BTBD3: variants seen among roughly 807,000 people sequenced by gnomAD.
BTBD3 encodes BTB domain containing 3.
A neutral mutation model predicts 41.6 loss-of-function variants in BTBD3; 14 were observed. That is an observed-to-expected ratio of 0.34 (90% CI 0.22 to 0.53). The LOEUF is 0.53. Among genes scored for constraint, BTBD3 ranks in the 20% least tolerant of loss-of-function variants. The probability of loss-of-function intolerance (pLI) is 0.95; values close to 1 mark genes in which losing one functional copy is unlikely to be tolerated. For synonymous variants in BTBD3, 249 were observed against 233.7 expected (o/e 1.07, Z -0.60); for missense variants, 426 against 654.7 (o/e 0.65, Z 3.81).
intron 1 of BTBD3, 120 bp downstream of exon 1, chr20:11,918,721 T>C: frequency 8.8e-7 from 1 of 1,131,728 alleles, no homozygotes; most frequent in South Asian, 1.7e-5. Flanking sequence ...AAGCTTTTTA[T>C]TGGTAATGGA....
intron 1 of BTBD3, among the ~76,000 whole-genome samples, chr20:11,910,875 A>G (rs944061022): frequency 2.6e-5 from 4 of 152,214 alleles, no homozygotes; most frequent in African/African-American, 9.6e-5. Context: ...TAGATATTCT[A>G]CCATATCAAT....
Position 11,918,763 on chromosome 20 carries a change from A to G in BTBD3, c.326+162A>G, listed in dbSNP as rs2056940218. On this transcript the variant is annotated intron_variant, in intron 1 of 3. Transcript: ENST00000378226. ...CCTTGTATCTTTTCCAAAACAGTAC[A>G]GCTGTTTTCCTCTTAGATAAAAATG... 5 of 765,774 alleles carry G rather than the reference A, an allele frequency of 6.5e-6. No individual in the cohort carries two copies. The South Asian group carries it at 1.2e-4, about 18-fold the overall frequency. The allele number at this position is 765,774 out of a possible 1,614,324, so 47.4% of individuals were successfully genotyped here. A position where few individuals can be genotyped will look rare whatever the true frequency, so the allele number is the denominator to read the frequency against.
chr20:11,903,436 G>A (rs1201274074), intron 1 of BTBD3, among the ~76,000 whole-genome samples: 1 of 152,100 alleles, frequency 6.6e-6, no homozygotes, highest in East Asian at 1.9e-4. Context: ...AAGTTTGTAG[G>A]GATACTTGTC....
intron 1 of BTBD3, 49 bp from the exon 2 acceptor site, chr20:11,919,037 T>C (rs374147596): frequency 1.5e-6 from 2 of 1,374,520 alleles, no homozygotes; most frequent in Non-Finnish European, 2.1e-6. Context: ...GGGAAGGGGA[T>C]GTTAAAAATG....
At position 11,923,755 on chromosome 20, in the gene BTBD3, A is replaced by G; in HGVS notation, c.*89A>G. 7.9e-7 allele frequency: 1 copy of G among 1,258,548 alleles called. No individual in the cohort carries two copies. Among genetic ancestry groups the G allele is most frequent in the East Asian group, 2.3e-5 (1 of 42,768 alleles). The allele number at this position is 1,258,548 out of a possible 1,614,324, so 78.0% of individuals were successfully genotyped here. On this transcript the variant is annotated 3_prime_UTR_variant, in exon 4 of 4. Coordinates refer to ENST00000378226, the MANE Select transcript of BTBD3 (RefSeq NM_014962.4). The surrounding 1 kb of genome is among the most constrained non-coding windows in gnomAD (Gnocchi z 5.3). ...TTAGCTCATCTGCAAATATGTGATC[A>G]GTGCCGGTAATTTGTAATGAATGAA...
chr20:11,891,188 G>GA lies in BTBD3; in HGVS notation c.-126+234_-126+235insA, dbSNP rs1314605170. On this transcript the variant is annotated intron_variant, in intron 1 of 4. Transcript: ENST00000254977. Reference sequence around the variant, plus strand: ...GGGCTGGCTTTCCGAGGGGGGGGGGGTCCCAGTGGGGCGCGTCGGGCCCGC... The same window carrying GA: ...GGGCTGGCTTTCCGAGGGGGGGGGGGATCCCAGTGGGGCGCGTCGGGCCCGC... The GA allele has an allele frequency of 5.3e-3, 849 of 160,752 alleles. 7 individuals carry two copies. The highest frequency in any genetic ancestry group is 7.5e-3 in the Admixed American group (113 of 15,104). The allele number at this position is 160,752 out of a possible 1,614,324, so 10.0% of individuals were successfully genotyped here. A position where few individuals can be genotyped will look rare whatever the true frequency, so the allele number is the denominator to read the frequency against.
chr20:11,918,471 A>G lies in BTBD3; in HGVS notation c.196A>G (p.Ile66Val), dbSNP rs1322380266. Residue 66 changes from isoleucine (I) to valine (V), a missense_variant, in exon 1 of 4, where the codon ATA becomes GTA. Physicochemically the swap from Ile to Val is conservative, Grantham distance 29. Around this residue, in one of 3 missense-constraint regions of BTBD3, gnomAD observed 52 missense variants for 45.1 expected, o/e 1.15. Coordinates refer to ENST00000378226, the MANE Select transcript of BTBD3 (RefSeq NM_014962.4). ...TAAAAAGAAGAAGATGGCTGCTGAT[A>G]TATTCCCCCGTAAAAAGCCAGCCAA... ...KTKKKKMAADIFPRKKPANSS... is the reference protein window; with the variant it reads ...KTKKKKMAADVFPRKKPANSS... The G allele has an allele frequency of 3.7e-6, 6 of 1,614,060 alleles. No individual in the cohort carries two copies. The African/African-American group carries it at 4.0e-5, about 11-fold the overall frequency.
Position 11,924,742 on chromosome 20 carries a change from A to T in BTBD3, c.*1076A>T, listed in dbSNP as rs1360324176. 12 of 152,530 alleles carry T rather than the reference A, an allele frequency of 7.9e-5. No individual in the cohort carries two copies. Among genetic ancestry groups the T allele is most frequent in the Non-Finnish European group, 1.8e-4 (12 of 68,010 alleles). The allele number at this position is 152,530 out of a possible 1,614,324, so 9.4% of individuals were successfully genotyped here. On this transcript the variant is annotated 3_prime_UTR_variant, in exon 4 of 4. Transcript: ENST00000378226. ...ATTTGAAATATACTTTACCTGATCC[A>T]CTTTGATTGTATACTATATTCTTTG...
chr20:11,906,287 C>CTTTTTTTTTTTTTTTTTTGTTTT (rs2056854379), intron 1 of BTBD3, among the ~76,000 whole-genome samples: 1 of 58,476 alleles, frequency 1.7e-5, no homozygotes, highest in Admixed American at 2.2e-4. Flanking sequence ...TTTTTTGAGA[C>CTTTTTTTTTTTTTTTTTTGTTTT]GGAGTCTCGT....
chr20:11,923,111 G>A lies in BTBD3; in HGVS notation c.1014G>A (p.Gly338=), dbSNP rs143653244. Residue 338 remains glycine, a synonymous_variant, in exon 4 of 4, where the codon GGG becomes GGA. Transcript: ENST00000378226. The surrounding 1 kb of genome is among the most constrained non-coding windows in gnomAD (Gnocchi z 5.3). ...TTGCAAATGGTGCTGCACAGTCCGG[G>A]GTATTAACTCTCAATGAGACCAACG... ...DDFANGAAQS[G]VLTLNETNDI... The A allele has an allele frequency of 1.2e-6, 2 of 1,614,024 alleles. No individual in the cohort carries two copies. The highest frequency in any genetic ancestry group is 2.2e-5 in the South Asian group (2 of 91,084).
chr20:11,919,972 T>A (rs2056954025), intron 3 of BTBD3, 136 bp downstream of exon 3: 1 of 757,794 alleles, frequency 1.3e-6, no homozygotes, highest in African/African-American at 1.7e-5. Context: ...ACCTTGTAAA[T>A]GTTTTCGGAA....
rs188615341 is a variant in BTBD3 at position 11,892,824 on chromosome 20, T to C, written c.-126+1870T>C. Among the ~76,000 whole-genome samples, 8 of 152,164 alleles carry C rather than the reference T, an allele frequency of 5.3e-5. No individual in the cohort carries two copies. The East Asian group carries it at 1.5e-3, about 29-fold the overall frequency. ...AAGTTATATCTTATATTTAAAAATT[T>C]AAAAAAAATATAACTCCACATCTGT... On this transcript the variant is annotated intron_variant, in intron 1 of 4. Transcript: ENST00000254977.
Position 11,923,771 on chromosome 20 carries a change from A to G in BTBD3, c.*105A>G, listed in dbSNP as rs2056993074. The G allele has an allele frequency of 2.6e-6, 3 of 1,143,280 alleles. No homozygotes were observed. The highest frequency in any genetic ancestry group is 4.7e-5 in the Admixed American group (2 of 42,212). The allele number at this position is 1,143,280 out of a possible 1,614,324, so 70.8% of individuals were successfully genotyped here. A position where few individuals can be genotyped will look rare whatever the true frequency, so the allele number is the denominator to read the frequency against. On this transcript the variant is annotated 3_prime_UTR_variant, in exon 4 of 4. Coordinates refer to ENST00000378226, the MANE Select transcript of BTBD3 (RefSeq NM_014962.4). This position sits in a 1 kb window ranked among gnomAD's most constrained non-coding sequence, Gnocchi z 5.3. ...TATGTGATCAGTGCCGGTAATTTGT[A>G]ATGAATGAAGCGGTAGGCAGGTTCT...
intron 1 of BTBD3, among the ~76,000 whole-genome samples, chr20:11,898,747 C>T (rs1032303847): frequency 6.6e-6 from 1 of 152,084 alleles, no homozygotes; most frequent in South Asian, 2.1e-4. Context: ...GTTGACTTAT[C>T]CCACCAGCAA....
rs1453197278 is a variant in BTBD3 at position 11,893,194 on chromosome 20, G to GT, written c.-126+2246dup. On this transcript the variant is annotated intron_variant, in intron 1 of 4. Coordinates refer to the BTBD3 transcript ENST00000254977. ...ATTTAACATACTTGTTTTTAATTGT[G>GT]TTTTTTAAAAAATATTTTAAACTTT... is the stretch of plus-strand genomic sequence containing the variant. 2.0e-5 allele frequency among the ~76,000 whole-genome samples: 3 copies of GT among 152,056 alleles called. No individual in the cohort carries two copies. In the East Asian group the frequency reaches 5.8e-4, roughly 29 times the overall value.
chr20:11,918,547 A>G lies in BTBD3; in HGVS notation c.272A>G (p.Asn91Ser), dbSNP rs2056938059. Residue 91 changes from asparagine to serine, a missense_variant, in exon 1 of 4, where the codon AAC becomes AGC. Around this residue, in one of 3 missense-constraint regions of BTBD3, gnomAD observed 52 missense variants for 45.1 expected, o/e 1.15. Coordinates refer to ENST00000378226, the MANE Select transcript of BTBD3 (RefSeq NM_014962.4). ...TACCACCAGCAGAATCTCAGTAACAACAACCTTATCCCGGCCCCAAACTGG... is the reference window on the plus strand; with the variant it reads ...TACCACCAGCAGAATCTCAGTAACAGCAACCTTATCCCGGCCCCAAACTGG... ...QQYHQQNLSNNNLIPAPNWQG... is the reference protein window; with the variant it reads ...QQYHQQNLSNSNLIPAPNWQG... The G allele has an allele frequency of 1.9e-6, 3 of 1,613,830 alleles. No homozygotes were observed. The highest frequency in any genetic ancestry group is 2.2e-5 in the South Asian group (2 of 91,030).
chr20:11,913,160 C>A (rs2056899339), upstream of BTBD3, among the ~76,000 whole-genome samples: 1 of 152,218 alleles, frequency 6.6e-6, no homozygotes, highest in Non-Finnish European at 1.5e-5. Context: ...AACCTCACTG[C>A]TGTTGCTTTT....
chr20:11,920,626 C>A (rs538461326), intron 3 of BTBD3, among the ~76,000 whole-genome samples: 3 of 152,118 alleles, frequency 2.0e-5, no homozygotes, highest in Non-Finnish European at 4.4e-5. Flanking sequence ...TGTGGTAGTT[C>A]ACCAAGTGAT....
intron 3 of BTBD3, among the ~76,000 whole-genome samples, chr20:11,922,149 A>G (rs2056975332): frequency 6.6e-6 from 1 of 152,244 alleles, no homozygotes; most frequent in South Asian, 2.1e-4. Flanking sequence ...TTGATAATCC[A>G]TTGAACTTGG....
Sources: gnomAD v4.1 joint callset for allele counts (sites outside exome capture counted in the v4.1 genomes callset) on GRCh38, gnomAD v4.1.1 for gene constraint, gnomAD v4.1.1 regional missense constraint, Gnocchi (gnomAD v3.1) non-coding constraint, MANE v1.5 for transcripts, NCBI Gene and HGNC (gene_info 2026-07-23, HGNC 2026-07-21) for gene names.